The following LINGO2 variants were observed in gnomAD, a reference collection of about 807,000 sequenced individuals.
LINGO2 encodes the protein leucine-rich repeat and immunoglobulin-like domain-containing nogo receptor-interacting protein 2.
LINGO2 carries 14 observed loss-of-function variants against 30.6 expected under a neutral mutation model. The observed-to-expected ratio is 0.46, with a 90% CI of 0.30 to 0.72. The LOEUF is 0.72. Among genes scored for constraint, LINGO2 ranks in the 30% least tolerant of loss-of-function variants. The probability of loss-of-function intolerance (pLI) is 0.07; values close to 1 mark genes in which losing one functional copy is unlikely to be tolerated. For missense variants in LINGO2, 729 were observed against 751.7 expected (o/e 0.97, Z 0.35); for synonymous variants, 317 against 288.5 (o/e 1.10, Z -1.00).
In LINGO2 at chr9:28,512,648, TAC is replaced by T. The variant is rs1157745484; in HGVS notation, c.-364-36625_-364-36624del. 4.8e-3 allele frequency among the ~76,000 whole-genome samples: 438 copies of T among 92,006 alleles called. 6 individuals are homozygous for T. Among genetic ancestry groups the T allele is most frequent in the African/African-American group, 0.015 (380 of 24,728 alleles). The allele number at this position is 92,006 out of a possible 152,430, so 60.4% of individuals were successfully genotyped here. ...ATATATATATATATACACACATACATACACACACACACACATATGGATATCTA... is the reference window on the plus strand; with the variant it reads ...ATATATATATATATACACACATACATACACACACACACATATGGATATCTA... On this transcript the variant is annotated intron_variant, in intron 1 of 5. Transcript: ENST00000379992.
chr9:28,181,981 A>C (rs1819360635), intron 4 of LINGO2, among the ~76,000 whole-genome samples: 1 of 152,182 alleles, frequency 6.6e-6, no homozygotes, highest in Admixed American at 6.5e-5. Context: ...TTCATATGGA[A>C]TCAAAGTAGA....
chr9:29,181,558 C>G, the LINGO2 span, among the ~76,000 whole-genome samples: 122,254 of 152,058 alleles, frequency 0.8, 49,198 homozygotes, highest in Admixed American at 0.88. Context: ...ATGAGGACCA[C>G]AAAACAAGTT....
intron 4 of LINGO2, among the ~76,000 whole-genome samples, chr9:28,146,325 T>G (rs1045647078): frequency 6.6e-6 from 1 of 152,036 alleles, no homozygotes; most frequent in African/African-American, 2.4e-5. Context: ...CAGCAAAAAA[T>G]TAATAATTTC....
chr9:28,149,184 T>A (rs1248500146), intron 4 of LINGO2: 3 of 1,300,198 alleles, frequency 2.3e-6, no homozygotes, highest in Non-Finnish European at 3.2e-6. Flanking sequence ...AGAGAGCTGC[T>A]TAGGAGGAGA....
intron 5 of LINGO2, among the ~76,000 whole-genome samples, chr9:27,965,217 GTTACAGTCTCAGTAAGGGAACAAGTAT>G (rs1820040795): frequency 1.3e-5 from 2 of 151,904 alleles, no homozygotes; most frequent in South Asian, 4.1e-4. Flanking sequence ...TTTGCCTAAT[GTTACAGTCTCAGTAAGGGAACAAGTAT>G]TTCTATCCAG....
rs938853331 is a variant in LINGO2, at chr9:28,130,330, T to C, written c.-86-117925A>G. Among the ~76,000 whole-genome samples, 32 of 152,372 alleles carry C rather than the reference T, an allele frequency of 2.1e-4. No individual in the cohort carries two copies. Among genetic ancestry groups the C allele is most frequent in the African/African-American group, 7.7e-4 (32 of 41,596 alleles). On this transcript the variant is annotated intron_variant, in intron 4 of 5. Coordinates refer to ENST00000379992, the Ensembl canonical transcript of LINGO2. The surrounding 1 kb of genome is among the most constrained non-coding windows in gnomAD (Gnocchi z 5.2). ...AGGTTAGCCACTGATAAGTCTTATA[T>C]TCAACTCTCCCTCTAGCTATGAGAC... is the stretch of plus-strand genomic sequence containing the variant.
the LINGO2 span, among the ~76,000 whole-genome samples, chr9:28,842,613 A>G: frequency 6.6e-6 from 1 of 151,914 alleles, no homozygotes; most frequent in African/African-American, 2.4e-5. Context: ...CTTCTAAAGC[A>G]TGCCAGGAAT....
the LINGO2 span, among the ~76,000 whole-genome samples, chr9:29,062,563 C>T: frequency 1.3e-5 from 2 of 151,998 alleles, no homozygotes; most frequent in African/African-American, 4.8e-5. Context: ...AAACGTCATG[C>T]TAAGTGAAAT....
At chr9:28,179,587 T>C (rs1487085862) in intron 4 of LINGO2, among the ~76,000 whole-genome samples, 2 of 128,404 alleles carry the variant, frequency 1.6e-5, no homozygotes, top group East Asian at 4.6e-4. Context: ...TGTAGTATTT[T>C]ATACTATATA....
At chr9:28,273,843 T>C (rs1823026319) in intron 4 of LINGO2, among the ~76,000 whole-genome samples, 1 of 152,168 alleles carries the variant, frequency 6.6e-6, no homozygotes, top group Non-Finnish European at 1.5e-5. Flanking sequence ...TTCAGACATG[T>C]CAGTCTATCA....
chr9:29,076,957 T>C, the LINGO2 span, among the ~76,000 whole-genome samples: 1 of 152,108 alleles, frequency 6.6e-6, no homozygotes, highest in African/African-American at 2.4e-5. Flanking sequence ...AGCCTTTGCT[T>C]TTAACTGCTG....
chr9:28,091,284 T>C (rs4501682), intron 4 of LINGO2, among the ~76,000 whole-genome samples: 152,022 of 152,292 alleles, frequency 1, 75,878 homozygotes, highest in Middle Eastern at 1. Context: ...AGAACAAAGC[T>C]GGAGGCATCA....
At chr9:28,634,722 G>C (rs1359719981) in intron 1 of LINGO2, among the ~76,000 whole-genome samples, 5 of 152,012 alleles carry the variant, frequency 3.3e-5, no homozygotes, top group Admixed American at 6.6e-5. Context: ...TTGACCTCAA[G>C]TGATCTGCCC....
chr9:28,900,868 A>T, the LINGO2 span, among the ~76,000 whole-genome samples: 2 of 152,208 alleles, frequency 1.3e-5, no homozygotes, highest in Admixed American at 1.3e-4. Context: ...ATTGAAAAAC[A>T]ATTGGTTTAA....
the LINGO2 span, among the ~76,000 whole-genome samples, chr9:29,041,921 G>C: frequency 2.0e-5 from 3 of 151,782 alleles, no homozygotes; most frequent in Admixed American, 6.6e-5. Flanking sequence ...ACTGGTGTTA[G>C]AATATATAAA....
intron 4 of LINGO2, among the ~76,000 whole-genome samples, chr9:28,111,565 G>A (rs1467699233): frequency 6.6e-6 from 1 of 152,084 alleles, no homozygotes; most frequent in East Asian, 1.9e-4. Flanking sequence ...TAATCCAAGT[G>A]AATGTGGCTA....
chr9:29,056,594 T>C, the LINGO2 span, among the ~76,000 whole-genome samples: 1 of 152,196 alleles, frequency 6.6e-6, no homozygotes, highest in African/African-American at 2.4e-5. Context: ...CTTTTTAGTT[T>C]AAGTCTCATC....
At chr9:28,578,689 C>A (rs1824110524) in intron 1 of LINGO2, among the ~76,000 whole-genome samples, 8 of 152,088 alleles carry the variant, frequency 5.3e-5, no homozygotes, top group Admixed American at 5.2e-4. Context: ...CTAAAACCAA[C>A]CACTTCACTC....
chr9:27,962,367 A>C (rs1819889823), intron 5 of LINGO2, among the ~76,000 whole-genome samples: 2 of 152,126 alleles, frequency 1.3e-5, no homozygotes, highest in Non-Finnish European at 2.9e-5. Flanking sequence ...ATTTGGCTGT[A>C]AGTATGTCTG....
Sources: gnomAD v4.1 joint callset for allele counts (sites outside exome capture counted in the v4.1 genomes callset) on GRCh38, gnomAD v4.1.1 for gene constraint, Gnocchi (gnomAD v3.1) non-coding constraint, MANE v1.5 for transcripts, NCBI Gene and HGNC (gene_info 2026-07-23, HGNC 2026-07-21) for gene names.